Variants in UBE2D4 observed in about 807,000 individuals in gnomAD.
UBE2D4 encodes ubiquitin-conjugating enzyme E2 D4.
In UBE2D4, 17 loss-of-function variants were observed where a neutral mutation model predicts 23.0. That is an observed-to-expected ratio of 0.74 (90% CI 0.51 to 1.11). The LOEUF is 1.11. Ranked by LOEUF, UBE2D4 falls within the 50% of genes least tolerant of loss-of-function variation. UBE2D4 has a pLI of 0.00. For missense variants in UBE2D4, 139 were observed against 181.8 expected (o/e 0.76, Z 1.35); for synonymous variants, 61 against 69.4 (o/e 0.88, Z 0.60).
intron 1 of UBE2D4, among the ~76,000 whole-genome samples, chr7:43,929,409 G>A (rs1380865457): frequency 6.9e-6 from 1 of 144,838 alleles, no homozygotes; most frequent in Non-Finnish European, 1.5e-5. Flanking sequence ...CTGGGTGACA[G>A]AGCGAGACTC....
At chr7:43,946,690 A>G (rs2095987951) in intron 4 of UBE2D4, among the ~76,000 whole-genome samples, 1 of 152,176 alleles carries the variant, frequency 6.6e-6, no homozygotes. Flanking sequence ...CATTAATTTA[A>G]CCAGTAATCA....
chr7:43,931,356 C>T (rs1290572427), intron 1 of UBE2D4, among the ~76,000 whole-genome samples: 3 of 151,942 alleles, frequency 2.0e-5, no homozygotes, highest in South Asian at 2.1e-4. Context: ...GTGGAAGGAT[C>T]GCTTGAGCCA....
At chr7:43,940,114 A>G (rs2095968052) in intron 2 of UBE2D4, among the ~76,000 whole-genome samples, 2 of 152,326 alleles carry the variant, frequency 1.3e-5, no homozygotes, top group Admixed American at 1.3e-4. Context: ...GAGGGGACTG[A>G]GCTTAGAGGA....
At chr7:43,947,603 G>A (rs1464351762) in intron 4 of UBE2D4, among the ~76,000 whole-genome samples, 2 of 152,184 alleles carry the variant, frequency 1.3e-5, no homozygotes, top group African/African-American at 2.4e-5. Context: ...CATTTGGGTT[G>A]GTTCCAAGTC....
At chr7:43,940,630 C>T (rs978542500) in intron 2 of UBE2D4, among the ~76,000 whole-genome samples, 8 of 152,176 alleles carry the variant, frequency 5.3e-5, no homozygotes, top group Admixed American at 6.5e-5. Flanking sequence ...ACAGCCATTT[C>T]CAGCATCCCT....
At chr7:43,943,554 A>G (rs896292570) in intron 4 of UBE2D4, 3 of 166,896 alleles carry the variant, frequency 1.8e-5, no homozygotes, top group East Asian at 1.7e-4. Flanking sequence ...CCAAGTGTCA[A>G]TAGTGCCAAG....
intron 4 of UBE2D4, chr7:43,943,346 G>A: frequency 4.3e-6 from 2 of 469,032 alleles, no homozygotes; most frequent in Non-Finnish European, 7.7e-6. Context: ...GTCCCTTAGA[G>A]TTAGGACAGG....
intron 2 of UBE2D4, chr7:43,941,538 C>T (rs1417163914): frequency 6.6e-6 from 1 of 152,244 alleles, no homozygotes; most frequent in Non-Finnish European, 1.5e-5. Context: ...GCCTAGAGCA[C>T]AGGGCACTGC....
At chr7:43,940,626 A>G (rs1173849687) in intron 2 of UBE2D4, among the ~76,000 whole-genome samples, 1 of 152,120 alleles carries the variant, frequency 6.6e-6, no homozygotes, top group African/African-American at 2.4e-5. Context: ...GCTCACAGCC[A>G]TTTCCAGCAT....
chr7:43,926,442 CCCGGCGTGCAGCTTGGTGGCGGCTG>C lies in UBE2D4; in HGVS notation c.-90_-66del. 1 of 1,190,264 alleles carries C rather than the reference CCCGGCGTGCAGCTTGGTGGCGGCTG, an allele frequency of 8.4e-7. No individual in the cohort carries two copies. The highest frequency in any genetic ancestry group is 1.6e-5 in the African/African-American group (1 of 61,646). The allele number at this position is 1,190,264 out of a possible 1,614,324, so 73.7% of individuals were successfully genotyped here. A position where few individuals can be genotyped will look rare whatever the true frequency, so the allele number is the denominator to read the frequency against. On this transcript the variant is annotated 5_prime_UTR_variant, in exon 1 of 7. Transcript: ENST00000222402. The stretch of plus-strand genomic sequence containing the variant: ...GCGCGCGCAAGCGCAGGCTGCGGCT[CCCGGCGTGCAGCTTGGTGGCGGCTG>C]AGCCGGCAGCGGGCCGCCTCAGGCA...
intron 1 of UBE2D4, among the ~76,000 whole-genome samples, chr7:43,933,398 A>G (rs2095951515): frequency 1.3e-5 from 2 of 152,026 alleles, no homozygotes; most frequent in South Asian, 4.1e-4. Context: ...TTAGTTTCTC[A>G]AAAAAAAGTT....
At chr7:43,945,305 T>C (rs1345768532) in intron 4 of UBE2D4, among the ~76,000 whole-genome samples, 8 of 152,202 alleles carry the variant, frequency 5.3e-5, no homozygotes, top group Non-Finnish European at 1.2e-4. Flanking sequence ...CAGTGGTTAT[T>C]ATTAAAAAAC....
rs1329476209 is a variant in UBE2D4, at chr7:43,953,183, A to C, written c.*488A>C. Reference sequence around the variant, plus strand: ...TCTGCTGCAGAACCACATCCTGAGGAGTCTCAGCTTATCCTGGAGGGAATT... The same window carrying C: ...TCTGCTGCAGAACCACATCCTGAGGCGTCTCAGCTTATCCTGGAGGGAATT... On this transcript the variant is annotated 3_prime_UTR_variant, in exon 7 of 7. Coordinates refer to ENST00000222402, the MANE Select transcript of UBE2D4 (RefSeq NM_015983.4). 2.2e-6 allele frequency: 1 copy of C among 456,636 alleles called. No homozygotes were observed. Among genetic ancestry groups the C allele is most frequent in the Non-Finnish European group, 4.4e-6 (1 of 227,000 alleles). The allele number at this position is 456,636 out of a possible 1,614,324, so 28.3% of individuals were successfully genotyped here. A position where few individuals can be genotyped will look rare whatever the true frequency, so the allele number is the denominator to read the frequency against.
Position 43,950,591 on chromosome 7 carries a change from C to T in UBE2D4, c.305-8C>T. On this transcript the variant is annotated splice_region_variant and splice_polypyrimidine_tract_variant and intron_variant, in intron 5 of 6. Transcript: ENST00000222402. ...CTACAGCTGACCAACCTTTTCTTTTCTTCCCAGTTCTCTTGTCCATCTGCT... is the reference window on the plus strand; with the variant it reads ...CTACAGCTGACCAACCTTTTCTTTTTTTCCCAGTTCTCTTGTCCATCTGCT... 1.2e-6 allele frequency: 2 copies of T among 1,613,754 alleles called. No individual in the cohort carries two copies. The highest frequency in any genetic ancestry group is 1.1e-5 in the South Asian group (1 of 91,080).
chr7:43,932,016 T>C (rs1291875890), intron 1 of UBE2D4, among the ~76,000 whole-genome samples: 1 of 137,812 alleles, frequency 7.3e-6, no homozygotes, highest in Non-Finnish European at 1.6e-5. Context: ...TGAGACAGAG[T>C]CTTGCTCTGT....
In UBE2D4 at chr7:43,944,917, G is replaced by A. The variant is rs1420706689; in HGVS notation, c.198+1886G>A. 1 of 152,158 alleles carries A rather than the reference G, an allele frequency of 6.6e-6. No homozygotes were observed. Among genetic ancestry groups the A allele is most frequent in the Admixed American group, 6.5e-5 (1 of 15,268 alleles). The allele number at this position is 152,158 out of a possible 1,614,324, so 9.4% of individuals were successfully genotyped here. On this transcript the variant is annotated intron_variant, in intron 4 of 6. Transcript: ENST00000222402. This position sits in a 1 kb window ranked among gnomAD's most constrained non-coding sequence, Gnocchi z 4.0. ...AACAGATACCAATGTAGTCCTGAAT[G>A]TCTGTTGGGCATTTTCAGCATACCT...
Position 43,952,894 on chromosome 7 carries a change from A to C in UBE2D4, c.*199A>C, listed in dbSNP as rs527357016. The C allele has an allele frequency of 3.7e-6, 2 of 537,006 alleles. No homozygotes were observed. Among genetic ancestry groups the C allele is most frequent in the South Asian group, 3.8e-5 (2 of 52,070 alleles). The allele number at this position is 537,006 out of a possible 1,614,324, so 33.3% of individuals were successfully genotyped here. A position where few individuals can be genotyped will look rare whatever the true frequency, so the allele number is the denominator to read the frequency against. ...CGGCTTTGACAGTGCCACCTCTTTGATGCCAAATCAGCAACCATTGTTGTT... is the reference window on the plus strand; with the variant it reads ...CGGCTTTGACAGTGCCACCTCTTTGCTGCCAAATCAGCAACCATTGTTGTT... On this transcript the variant is annotated 3_prime_UTR_variant, in exon 7 of 7. Transcript: ENST00000222402.
rs532338344 is a variant in UBE2D4 at position 43,931,878 on chromosome 7, G to A, written c.24+5322G>A. On this transcript the variant is annotated intron_variant, in intron 1 of 6. Transcript: ENST00000222402. Reference sequence around the variant, plus strand: ...TTTTTTTTGTATTTTTAGTAGAGACGGGGTTTTGCCATGTTGCCAGGCTGG... The same window carrying A: ...TTTTTTTTGTATTTTTAGTAGAGACAGGGTTTTGCCATGTTGCCAGGCTGG... 1.7e-3 allele frequency among the ~76,000 whole-genome samples: 265 copies of A among 152,094 alleles called. 1 individual carries two copies. Among genetic ancestry groups the A allele is most frequent in the African/African-American group, 6.0e-3 (250 of 41,470 alleles).
intron 6 of UBE2D4, among the ~76,000 whole-genome samples, chr7:43,951,538 C>CTT (rs111623277): frequency 3.3e-5 from 5 of 149,314 alleles, no homozygotes; most frequent in Non-Finnish European, 7.4e-5. Context: ...ATGTTTTTCC[C>CTT]TTTTTTTTTT....
Sources: allele counts gnomAD v4.1 joint callset (sites outside exome capture counted in the v4.1 genomes callset), GRCh38; gene constraint gnomAD v4.1.1; non-coding constraint Gnocchi (gnomAD v3.1); transcripts MANE v1.5; gene names NCBI Gene and HGNC (gene_info 2026-07-23, HGNC 2026-07-21).